MAGI2: variants seen among roughly 807,000 people sequenced by gnomAD.
The protein encoded by MAGI2 is membrane associated guanylate kinase, WW and PDZ domain containing 2, also known as membrane-associated guanylate kinase, WW and PDZ domain-containing protein 2.
A neutral mutation model predicts 133.3 loss-of-function variants in MAGI2; 35 were observed. The observed-to-expected ratio is 0.26, with a 90% CI of 0.20 to 0.35. MAGI2 has a LOEUF of 0.35. Ranked by LOEUF, MAGI2 falls within the 10% of genes least tolerant of loss-of-function variation. The probability of loss-of-function intolerance (pLI) is 1.00; values close to 1 mark genes in which losing one functional copy is unlikely to be tolerated. For synonymous variants in MAGI2, 729 were observed against 710.6 expected (o/e 1.03, Z -0.41); for missense variants, 1,636 against 1,863.4 (o/e 0.88, Z 2.25).
intron 2 of MAGI2, among the ~76,000 whole-genome samples, chr7:78,631,572 C>T (rs900873973): frequency 3.3e-5 from 5 of 152,156 alleles, no homozygotes; most frequent in Non-Finnish European, 7.3e-5. Flanking sequence ...CAAGAAGAAA[C>T]AGAGAACGCC....
At chr7:79,187,218 T>G (rs1229871966) in intron 1 of MAGI2, among the ~76,000 whole-genome samples, 1 of 151,804 alleles carries the variant, frequency 6.6e-6, no homozygotes, top group Non-Finnish European at 1.5e-5. Flanking sequence ...GTTTGAAATT[T>G]TAATACAAGA....
intron 3 of MAGI2, among the ~76,000 whole-genome samples, chr7:78,625,552 T>C (rs1808256277): frequency 6.6e-6 from 1 of 152,086 alleles, no homozygotes. Context: ...TTAAGTACAT[T>C]TAATATAGCC....
intron 1 of MAGI2, among the ~76,000 whole-genome samples, chr7:79,259,237 T>A (rs1055773819): frequency 6.6e-6 from 1 of 152,222 alleles, no homozygotes; most frequent in Admixed American, 6.5e-5. Context: ...AATAGTAGGA[T>A]AGTAAATTCC....
At chr7:78,157,172 T>C (rs376553505) in intron 16 of MAGI2, among the ~76,000 whole-genome samples, 12 of 152,310 alleles carry the variant, frequency 7.9e-5, no homozygotes, top group South Asian at 4.1e-4. Flanking sequence ...ATACTGTAAA[T>C]GCAACGTGCC....
chr7:78,361,920 A>C (rs2151238339), intron 7 of MAGI2, among the ~76,000 whole-genome samples: 1 of 152,304 alleles, frequency 6.6e-6, no homozygotes, highest in African/African-American at 2.4e-5. Flanking sequence ...AGGGAGATGA[A>C]GCACCTCCAG....
intron 2 of MAGI2, among the ~76,000 whole-genome samples, chr7:78,827,671 T>C (rs1023038281): frequency 6.6e-6 from 1 of 152,138 alleles, no homozygotes; most frequent in Non-Finnish European, 1.5e-5. Context: ...GCTAAACATA[T>C]AAATTCACAC....
At chr7:78,293,123 A>C (rs960825094) in intron 9 of MAGI2, among the ~76,000 whole-genome samples, 3 of 152,248 alleles carry the variant, frequency 2.0e-5, no homozygotes, top group African/African-American at 7.2e-5. Flanking sequence ...ACTGCAAAAG[A>C]AACTACCATC....
chr7:78,651,198 T>G (rs1811520203), intron 2 of MAGI2, among the ~76,000 whole-genome samples: 1 of 152,160 alleles, frequency 6.6e-6, no homozygotes, highest in African/African-American at 2.4e-5. Flanking sequence ...TAATAGAGAT[T>G]GATAATACAG....
chr7:78,965,300 CG>C (rs965200587), intron 2 of MAGI2, among the ~76,000 whole-genome samples: 3 of 150,978 alleles, frequency 2.0e-5, no homozygotes, highest in African/African-American at 7.3e-5. Flanking sequence ...CAAAGACAAA[CG>C]ATTAACTTGT....
intron 2 of MAGI2, among the ~76,000 whole-genome samples, chr7:78,685,525 G>T (rs758387847): frequency 1.3e-4 from 20 of 149,436 alleles, no homozygotes; most frequent in Non-Finnish European, 2.1e-4. Flanking sequence ...TTTAGCAGCA[G>T]CTAGAGAACT....
intron 2 of MAGI2, among the ~76,000 whole-genome samples, chr7:78,859,815 A>C (rs1794005874): frequency 6.6e-6 from 1 of 152,150 alleles, no homozygotes; most frequent in South Asian, 2.1e-4. Context: ...GTTCTCCTGG[A>C]TAGTATCCTG....
intron 2 of MAGI2, among the ~76,000 whole-genome samples, chr7:78,806,624 G>A (rs141076865): frequency 7.8e-4 from 118 of 152,084 alleles, no homozygotes; most frequent in African/African-American, 2.7e-3. Context: ...CCAGCACTTT[G>A]GGAGGCTGAG....
chr7:79,379,635 C>A (rs1395373164), intron 1 of MAGI2, among the ~76,000 whole-genome samples: 1 of 151,930 alleles, frequency 6.6e-6, no homozygotes, highest in Non-Finnish European at 1.5e-5. Flanking sequence ...TGTTTCCTGA[C>A]TTTTTAATGA....
intron 2 of MAGI2, among the ~76,000 whole-genome samples, chr7:78,713,661 C>T (rs561131913): frequency 6.6e-6 from 1 of 152,260 alleles, no homozygotes; most frequent in African/African-American, 2.4e-5. Flanking sequence ...TATGTAATAG[C>T]TCTTTTCAGA....
intron 3 of MAGI2, among the ~76,000 whole-genome samples, chr7:78,552,588 A>G (rs917651692): frequency 6.6e-6 from 1 of 152,244 alleles, no homozygotes; most frequent in Non-Finnish European, 1.5e-5. Flanking sequence ...GAAACTATAC[A>G]AAGAACTGTA....
intron 1 of MAGI2, among the ~76,000 whole-genome samples, chr7:79,227,243 T>C (rs1830937828): frequency 6.6e-6 from 1 of 152,274 alleles, no homozygotes; most frequent in Non-Finnish European, 1.5e-5. Context: ...ACTTAAAAAA[T>C]GAATGCATGC....
chr7:79,282,430 C>T (rs546172900), intron 1 of MAGI2, among the ~76,000 whole-genome samples: 12 of 152,142 alleles, frequency 7.9e-5, no homozygotes, highest in East Asian at 3.9e-4. Context: ...GGAGAAGAAA[C>T]GAAGCTGATT....
intron 1 of MAGI2, among the ~76,000 whole-genome samples, chr7:79,338,879 G>C (rs1044806935): frequency 6.6e-6 from 1 of 152,074 alleles, no homozygotes; most frequent in Non-Finnish European, 1.5e-5. Flanking sequence ...AAGGGATAAT[G>C]CTTCCATGAT....
At chr7:78,937,021 C>G (rs1302881962) in intron 2 of MAGI2, among the ~76,000 whole-genome samples, 1 of 152,050 alleles carries the variant, frequency 6.6e-6, no homozygotes, top group Admixed American at 6.6e-5. Context: ...AAATACCACT[C>G]TCTAAGAAAA....
Sources: gnomAD v4.1 joint callset for allele counts (sites outside exome capture counted in the v4.1 genomes callset) on GRCh38, gnomAD v4.1.1 for gene constraint, MANE v1.5 for transcripts, NCBI Gene and HGNC (gene_info 2026-07-23, HGNC 2026-07-21) for gene names.